The following SIPA1L2 variants were observed in gnomAD, a reference collection of about 807,000 sequenced individuals.
SIPA1L2 encodes the protein signal induced proliferation associated 1 like 2, also known as signal-induced proliferation-associated 1-like protein 2.
A neutral mutation model predicts 163.9 loss-of-function variants in SIPA1L2; 56 were observed. The ratio of observed to expected loss-of-function variants is 0.34; its 90% CI spans 0.28 to 0.43. SIPA1L2 has a LOEUF of 0.43. Among genes scored for constraint, SIPA1L2 ranks in the 20% least tolerant of loss-of-function variants. The probability of loss-of-function intolerance (pLI) is 1.00; values close to 1 mark genes in which losing one functional copy is unlikely to be tolerated. For missense variants in SIPA1L2, 1,974 were observed against 2,193.5 expected (o/e 0.90, Z 2.00); for synonymous variants, 877 against 865.7 (o/e 1.01, Z -0.23).
At chr1:232,622,943 C>G (rs1662891519) in intron 1 of SIPA1L2, among the ~76,000 whole-genome samples, 1 of 152,202 alleles carries the variant, frequency 6.6e-6, no homozygotes, top group Non-Finnish European at 1.5e-5. Context: ...TATTTGTTTA[C>G]TGTGAGCCTA....
chr1:232,445,837 CAGCA>C, intron 10 of SIPA1L2, 51 bp from the exon 11 acceptor site: 1 of 1,580,010 alleles, frequency 6.3e-7, no homozygotes, highest in Non-Finnish European at 8.6e-7. Context: ...GCTGAGCTGT[CAGCA>C]TGGCTTACTC....
intron 20 of SIPA1L2, among the ~76,000 whole-genome samples, 155 bp downstream of exon 20, chr1:232,403,970 G>A (rs1239824599): frequency 6.6e-6 from 1 of 152,184 alleles, no homozygotes; most frequent in Admixed American, 6.5e-5. Flanking sequence ...CCCCAAACCC[G>A]GAGAAGGTTC....
chr1:232,461,246 T>C, intron 9 of SIPA1L2, 85 bp from the exon 10 acceptor site: 1 of 1,531,422 alleles, frequency 6.5e-7, no homozygotes, highest in Non-Finnish European at 8.9e-7. Flanking sequence ...TGGGCCTCCA[T>C]GCCAGCCCTC....
Position 232,567,864 on chromosome 1 carries a change from G to C in SIPA1L2, c.-270+6310C>G, listed in dbSNP as rs531929642. Among the ~76,000 whole-genome samples, 23 of 152,340 alleles carry C rather than the reference G, an allele frequency of 1.5e-4. No individual in the cohort carries two copies. The South Asian group carries it at 4.3e-3, about 29-fold the overall frequency. On this transcript the variant is annotated intron_variant, in intron 2 of 22. Transcript: ENST00000674635. ...CATCCCACAGCCTCCAGGGAGGAGAGAGGGGCTGAAGGTTAATTTGATCAC... is the reference window on the plus strand; with the variant it reads ...CATCCCACAGCCTCCAGGGAGGAGACAGGGGCTGAAGGTTAATTTGATCAC...
intron 15 of SIPA1L2, among the ~76,000 whole-genome samples, chr1:232,432,841 C>T (rs12030201): frequency 6.6e-6 from 1 of 152,042 alleles, no homozygotes; most frequent in South Asian, 2.1e-4. Context: ...AATGCCAATG[C>T]AAACCACAAT....
At chr1:232,525,115 C>G (rs566459274) in intron 2 of SIPA1L2, among the ~76,000 whole-genome samples, 137 of 150,994 alleles carry the variant, frequency 9.1e-4, no homozygotes, top group African/African-American at 3.2e-3. Context: ...TGGATATTAA[C>G]ATTGAATGAA....
chr1:232,441,395 CT>C lies in SIPA1L2; in HGVS notation c.3539-2del. On this transcript the variant is annotated splice_acceptor_variant, in intron 13 of 22. Transcript: ENST00000674635. LOFTEE classifies it high-confidence loss of function. Reference sequence around the variant, plus strand: ...GAAGGTGGGCCATGCCATTTGGTTTCTGTCACATAAAAAGAGAGGAGTTGAA... The same window carrying C: ...GAAGGTGGGCCATGCCATTTGGTTTCGTCACATAAAAAGAGAGGAGTTGAA... 6.2e-7 allele frequency: 1 copy of C among 1,600,294 alleles called. No individual in the cohort carries two copies. The highest frequency in any genetic ancestry group is 8.5e-7 in the Non-Finnish European group (1 of 1,176,064).
intron 16 of SIPA1L2, among the ~76,000 whole-genome samples, chr1:232,429,969 A>T (rs1662133125): frequency 6.6e-6 from 1 of 152,240 alleles, no homozygotes; most frequent in East Asian, 1.9e-4. Flanking sequence ...ATACGTTTAT[A>T]GAATATGTGT....
rs1032261853 is a variant in SIPA1L2 at position 232,592,906 on chromosome 1, A to G, written c.-318-18684T>C. Among the ~76,000 whole-genome samples the G allele has an allele frequency of 5.3e-5, 8 of 152,146 alleles. No homozygotes were observed. The East Asian group carries it at 9.6e-4, about 18-fold the overall frequency. ...CGACTGGAAAAATGGAAGAAGGGGA[A>G]ATTAGTCCCAAGTAATGAAGAGAAT... is the stretch of plus-strand genomic sequence containing the variant. On this transcript the variant is annotated intron_variant, in intron 1 of 22. Transcript: ENST00000674635.
chr1:232,549,848 G>A (rs1658273543), intron 2 of SIPA1L2, among the ~76,000 whole-genome samples: 2 of 152,032 alleles, frequency 1.3e-5, no homozygotes, highest in Non-Finnish European at 2.9e-5. Context: ...CTATACCACC[G>A]CTGCCTTAGA....
rs540435651 is a variant in SIPA1L2 at position 232,540,454 on chromosome 1, G to A, written c.-269-24846C>T. Reference sequence around the variant, plus strand: ...CTCTTTGCAAACCTTCATTGGTTTCGATTCTCCAACACCCGTTGCCTCCAT... The same window carrying A: ...CTCTTTGCAAACCTTCATTGGTTTCAATTCTCCAACACCCGTTGCCTCCAT... On this transcript the variant is annotated intron_variant, in intron 2 of 22. Coordinates refer to ENST00000674635, the MANE Select transcript of SIPA1L2 (RefSeq NM_020808.5). Among the ~76,000 whole-genome samples, 30 of 152,210 alleles carry A rather than the reference G, an allele frequency of 2.0e-4. No individual in the cohort carries two copies. The East Asian group carries it at 4.6e-3, about 23-fold the overall frequency.
chr1:232,469,752 C>T lies in SIPA1L2; in HGVS notation c.2243+1619G>A, dbSNP rs1054766598. The stretch of plus-strand genomic sequence containing the variant: ...GAGATCTCTGTGGTGTTTTCAAAAA[C>T]ATTAATTAAATACATTCAAAACATT... On this transcript the variant is annotated intron_variant, in intron 8 of 22. Transcript: ENST00000674635. 4.6e-5 allele frequency among the ~76,000 whole-genome samples: 7 copies of T among 151,984 alleles called. No homozygotes were observed. The East Asian group carries it at 1.2e-3, about 25-fold the overall frequency.
At chr1:232,490,797 A>G in intron 5 of SIPA1L2, 77 bp downstream of exon 5, 2 of 1,403,282 alleles carry the variant, frequency 1.4e-6, no homozygotes, top group South Asian at 1.4e-5. Context: ...TACAAGAAAG[A>G]TGGATGGGAA....
chr1:232,578,516 A>C (rs1218315459), intron 1 of SIPA1L2, among the ~76,000 whole-genome samples: 1 of 152,184 alleles, frequency 6.6e-6, no homozygotes, highest in East Asian at 1.9e-4. Context: ...TTTTTCTCTA[A>C]GGAAGCTTTC....
chr1:232,558,206 T>A (rs1259652794), intron 2 of SIPA1L2, among the ~76,000 whole-genome samples: 1 of 152,164 alleles, frequency 6.6e-6, no homozygotes, highest in African/African-American at 2.4e-5. Flanking sequence ...TTTGACTGTA[T>A]CCTAATTAAT....
chr1:232,584,935 G>C (rs1367012470), intron 1 of SIPA1L2, among the ~76,000 whole-genome samples: 1 of 152,192 alleles, frequency 6.6e-6, no homozygotes, highest in Non-Finnish European at 1.5e-5. Context: ...CATATATGGG[G>C]GAGAGAGGAA....
At chr1:232,483,538 C>T (rs1163584258) in intron 6 of SIPA1L2, among the ~76,000 whole-genome samples, 1 of 152,096 alleles carries the variant, frequency 6.6e-6, no homozygotes, top group African/African-American at 2.4e-5. Flanking sequence ...CTTCATGAAA[C>T]ACTGGGGAAT....
intron 2 of SIPA1L2, among the ~76,000 whole-genome samples, chr1:232,573,108 C>T (rs1659891819): frequency 1.3e-5 from 2 of 151,946 alleles, no homozygotes; most frequent in South Asian, 2.1e-4. Context: ...AGGCAAGCTC[C>T]CAGGCCACAG....
chr1:232,548,779 A>G (rs1319127098), intron 2 of SIPA1L2, among the ~76,000 whole-genome samples: 1 of 152,170 alleles, frequency 6.6e-6, no homozygotes, highest in African/African-American at 2.4e-5. Flanking sequence ...AACTGTGAGG[A>G]CAGGACAGAA....
Sources: allele counts gnomAD v4.1 joint callset (sites outside exome capture counted in the v4.1 genomes callset), GRCh38; gene constraint gnomAD v4.1.1; transcripts MANE v1.5; gene names NCBI Gene and HGNC (gene_info 2026-07-23, HGNC 2026-07-21).